The following SMIM27 variants were observed in gnomAD, a reference collection of about 807,000 sequenced individuals.
SMIM27 encodes the protein TOPORS antisense RNA 1 (non-protein coding).
A neutral mutation model predicts 1.8 loss-of-function variants in SMIM27; 3 were observed. The ratio of observed to expected loss-of-function variants is 1.65; its 90% CI spans 0.75 to 4.28. SMIM27 has a LOEUF of 4.28. SMIM27 is among the 30% of genes most tolerant of loss of function. SMIM27 has a pLI of 0.02. For synonymous variants in SMIM27, 19 were observed against 13.9 expected (o/e 1.37, Z -0.82); for missense variants, 63 against 37.0 (o/e 1.70, Z -1.83).
chr9:32,558,854 G>T, intron 1 of SMIM27: 1 of 1,239,446 alleles, frequency 8.1e-7, no homozygotes, highest in Admixed American at 2.0e-5. Context: ...GGAAAGGGAG[G>T]AAAAGGAAAG....
Position 32,563,966 on chromosome 9 carries a change from T to C in SMIM27, c.46-2425T>C, listed in dbSNP as rs554460382. ...AATATGTTCCAAGCTCATCTTATAC[T>C]TTCTCTCCTCCCGCCCTAGAATTGG... On this transcript the variant is annotated intron_variant, in intron 1 of 1. Coordinates refer to the SMIM27 transcript ENST00000451672. Among the ~76,000 whole-genome samples the C allele has an allele frequency of 2.2e-4, 34 of 152,370 alleles. No homozygotes were observed. In the South Asian group the frequency reaches 6.6e-3, roughly 30 times the overall value.
At chr9:32,551,177 G>T (rs1821247505), upstream of SMIM27, 1 of 639,246 alleles carries the variant, frequency 1.6e-6, no homozygotes, top group East Asian at 2.7e-5. Flanking sequence ...AGGGCAGCGC[G>T]ACCCTCCCCA....
At chr9:32,563,429 T>G (rs949110250) in intron 1 of SMIM27, among the ~76,000 whole-genome samples, 7 of 150,262 alleles carry the variant, frequency 4.7e-5, no homozygotes, top group Non-Finnish European at 8.9e-5. Context: ...CATTGCAGGC[T>G]CCACATCCTG....
At chr9:32,563,162 C>T (rs930940970) in intron 1 of SMIM27, among the ~76,000 whole-genome samples, 1 of 152,184 alleles carries the variant, frequency 6.6e-6, no homozygotes, top group African/African-American at 2.4e-5. Flanking sequence ...TGCAGCCTAT[C>T]AAGTAACATA....
At chr9:32,558,128 T>TTTTTTTTTC (rs1244268810) in intron 1 of SMIM27, among the ~76,000 whole-genome samples, 4 of 151,348 alleles carry the variant, frequency 2.6e-5, no homozygotes, top group Non-Finnish European at 5.9e-5. Context: ...TTTTTTTTTT[T>TTTTTTTTTC]TGAGACGGAG....
At chr9:32,560,879 A>G (rs1193080315) in intron 1 of SMIM27, among the ~76,000 whole-genome samples, 1 of 152,172 alleles carries the variant, frequency 6.6e-6, no homozygotes, top group Non-Finnish European at 1.5e-5. Flanking sequence ...ATATGTTTTT[A>G]TATTTGAAAC....
At chr9:32,553,703 C>A, downstream of SMIM27, 1 of 558,002 alleles carries the variant, frequency 1.8e-6, no homozygotes, top group Non-Finnish European at 3.2e-6. Context: ...TTAGCATGTC[C>A]ACTTTTTACT....
In SMIM27 at chr9:32,563,768, A is replaced by G. The variant is rs556892364; in HGVS notation, c.46-2623A>G. 2.6e-5 allele frequency among the ~76,000 whole-genome samples: 4 copies of G among 152,284 alleles called. No homozygotes were observed. The East Asian group carries it at 7.7e-4, about 29-fold the overall frequency. On this transcript the variant is annotated intron_variant, in intron 1 of 1. Coordinates refer to the SMIM27 transcript ENST00000451672. ...TACCCATTTATTAATTCACTTATTT[A>G]TATCAGTTTGCACTCATGGATTTTC...
chr9:32,560,429 T>C (rs1384241353), intron 1 of SMIM27, among the ~76,000 whole-genome samples: 1 of 152,202 alleles, frequency 6.6e-6, no homozygotes, highest in Admixed American at 6.5e-5. Flanking sequence ...TTAGATATGA[T>C]AAAGTAAGTT....
Position 32,552,367 on chromosome 9 carries a change from C to CGCCTGGGAGGT in SMIM27, c.-67_-57dup. On this transcript the variant is annotated 5_prime_UTR_variant, in exon 1 of 2. The change abolishes the stop of an existing upstream ORF in the 5' untranslated region. Transcript: ENST00000692500. ...ATGGCTGCTGGCGCCTGGCAGCCAC[C>CGCCTGGGAGGT]GCCTGGGAGGTTACTGTAAGGCCCG... 1 of 1,591,192 alleles carries CGCCTGGGAGGT rather than the reference C, an allele frequency of 6.3e-7. No homozygotes were observed. The highest frequency in any genetic ancestry group is 8.6e-7 in the Non-Finnish European group (1 of 1,168,604).
chr9:32,564,720 T>C (rs1821729038), intron 1 of SMIM27, among the ~76,000 whole-genome samples: 1 of 152,162 alleles, frequency 6.6e-6, no homozygotes, highest in Non-Finnish European at 1.5e-5. Flanking sequence ...ATGAGCTCCA[T>C]ATTATCTGAG....
intron 1 of SMIM27, chr9:32,566,074 A>C (rs1821778772): frequency 2.3e-6 from 1 of 427,710 alleles, no homozygotes; most frequent in South Asian, 3.8e-5. Flanking sequence ...AGTGACCAAA[A>C]AAAAAAAAAG....
At chr9:32,565,833 A>G (rs1303022095) in intron 1 of SMIM27, among the ~76,000 whole-genome samples, 1 of 152,106 alleles carries the variant, frequency 6.6e-6, no homozygotes, top group Non-Finnish European at 1.5e-5. Flanking sequence ...TTAGCCAGGC[A>G]TGGTGGCACA....
intron 1 of SMIM27, chr9:32,558,786 A>G: frequency 1.7e-6 from 1 of 602,934 alleles, no homozygotes; most frequent in Admixed American, 2.9e-5. Context: ...AGAATACACA[A>G]AACAGGGACT....
intron 1 of SMIM27, chr9:32,566,344 C>G: frequency 8.5e-7 from 1 of 1,175,132 alleles, no homozygotes; most frequent in Non-Finnish European, 1.3e-6. Flanking sequence ...ACTGCTTCCA[C>G]CAGTGTAGGA....
chr9:32,558,992 A>C, intron 1 of SMIM27: 1 of 1,451,238 alleles, frequency 6.9e-7, no homozygotes, highest in South Asian at 1.3e-5. Context: ...TTATGGTGTT[A>C]AGAGTTTCTT....
chr9:32,560,604 T>C (rs1821598262), intron 1 of SMIM27, among the ~76,000 whole-genome samples: 1 of 152,214 alleles, frequency 6.6e-6, no homozygotes, highest in South Asian at 2.1e-4. Context: ...GCATAATTGA[T>C]TTGTGATTCT....
At chr9:32,566,584 T>C (rs1278347970) in exon 2 of SMIM27, 4 of 783,702 alleles carry the variant, frequency 5.1e-6, no homozygotes, top group Admixed American at 1.7e-5. Flanking sequence ...TTCTGGCACA[T>C]GGAGCGGAGG....
At chr9:32,556,891 G>C (rs970985273), downstream of SMIM27, among the ~76,000 whole-genome samples, 1 of 124,776 alleles carries the variant, frequency 8.0e-6, no homozygotes, top group African/African-American at 3.1e-5. Context: ...GTGCTCTGTC[G>C]CTAAGGCTGG....
Sources: allele counts gnomAD v4.1 joint callset (sites outside exome capture counted in the v4.1 genomes callset), GRCh38; gene constraint gnomAD v4.1.1; transcripts MANE v1.5; gene names NCBI Gene and HGNC (gene_info 2026-07-23, HGNC 2026-07-21).